The following PRELID2 variants were observed in gnomAD, a reference collection of about 807,000 sequenced individuals.
PRELID2 encodes PRELI domain-containing protein 2.
In PRELID2, 25 loss-of-function variants were observed where a neutral mutation model predicts 28.4. That is an observed-to-expected ratio of 0.88 (90% CI 0.64 to 1.23). The LOEUF (loss-of-function observed/expected upper bound fraction) is 1.23. Ranked by LOEUF, PRELID2 falls within the 50% of genes most tolerant of loss-of-function variation. The probability of loss-of-function intolerance (pLI) is 0.00; values close to 1 mark genes in which losing one functional copy is unlikely to be tolerated. For missense variants in PRELID2, 201 were observed against 214.4 expected (o/e 0.94, Z 0.39); for synonymous variants, 76 against 71.6 (o/e 1.06, Z -0.31).
chr5:145,573,584 G>A (rs1437397794), intron 1 of PRELID2, among the ~76,000 whole-genome samples: 2 of 152,070 alleles, frequency 1.3e-5, no homozygotes, highest in African/African-American at 4.8e-5. Flanking sequence ...CCAATTATGA[G>A]TGAGAACATG....
intron 1 of PRELID2, among the ~76,000 whole-genome samples, chr5:145,665,478 G>A (rs574249222): frequency 2.0e-5 from 3 of 152,132 alleles, no homozygotes; most frequent in South Asian, 2.1e-4. Context: ...CTGCTTACAC[G>A]TCTCCATACT....
chr5:145,406,794 CCCACTGG>C, the PRELID2 span, among the ~76,000 whole-genome samples: 487 of 152,278 alleles, frequency 3.2e-3, 4 homozygotes, highest in African/African-American at 0.011. Flanking sequence ...AACACACATT[CCCACTGG>C]AGAATCTGAA....
At chr5:145,802,029 C>T (rs1033692312) in intron 4 of PRELID2, among the ~76,000 whole-genome samples, 1 of 152,212 alleles carries the variant, frequency 6.6e-6, no homozygotes, top group African/African-American at 2.4e-5. Flanking sequence ...ACTTCCTAAG[C>T]ACACACTGAT....
chr5:145,264,872 A>G, the PRELID2 span, among the ~76,000 whole-genome samples: 2 of 150,266 alleles, frequency 1.3e-5, no homozygotes, highest in Non-Finnish European at 3.0e-5. Context: ...TACTCAGGAG[A>G]CTGAGGCAGG....
At chr5:145,368,793 T>G in the PRELID2 span, among the ~76,000 whole-genome samples, 7,213 of 151,926 alleles carry the variant, frequency 0.047, 588 homozygotes, top group African/African-American at 0.16. Context: ...TCATTTTTTT[T>G]GTTGTTGTTT....
At chr5:145,285,286 T>C in the PRELID2 span, among the ~76,000 whole-genome samples, 7 of 152,052 alleles carry the variant, frequency 4.6e-5, no homozygotes, top group Admixed American at 1.3e-4. Flanking sequence ...ATGTTGGGAG[T>C]TGAGATTTAG....
intron 5 of PRELID2, among the ~76,000 whole-genome samples, chr5:145,787,747 C>A (rs930612298): frequency 6.6e-6 from 1 of 152,004 alleles, no homozygotes; most frequent in East Asian, 1.9e-4. Flanking sequence ...CCCTATGTTG[C>A]CTATGCTGGT....
chr5:145,558,091 A>T (rs1358981667), intron 1 of PRELID2, among the ~76,000 whole-genome samples: 1 of 152,224 alleles, frequency 6.6e-6, no homozygotes, highest in East Asian at 1.9e-4. Flanking sequence ...GAATCAGATA[A>T]ATCTGGTTTC....
At chr5:145,367,641 A>G in the PRELID2 span, among the ~76,000 whole-genome samples, 1 of 151,724 alleles carries the variant, frequency 6.6e-6, no homozygotes, top group African/African-American at 2.4e-5. Context: ...CCTGACAACC[A>G]CTGATCTTTT....
intron 1 of PRELID2, among the ~76,000 whole-genome samples, chr5:145,691,703 G>C (rs1380124241): frequency 5.3e-5 from 8 of 152,062 alleles, no homozygotes; most frequent in East Asian, 1.9e-4. Flanking sequence ...GGGCGACAGA[G>C]TGAGACTCCA....
At chr5:145,267,127 A>G in the PRELID2 span, among the ~76,000 whole-genome samples, 1 of 152,134 alleles carries the variant, frequency 6.6e-6, no homozygotes, top group African/African-American at 2.4e-5. Context: ...CCCAAAACTG[A>G]AGAACTTGGA....
At chr5:145,733,305 A>G (rs1388004430) in intron 1 of PRELID2, among the ~76,000 whole-genome samples, 1 of 152,126 alleles carries the variant, frequency 6.6e-6, no homozygotes, top group Non-Finnish European at 1.5e-5. Flanking sequence ...TCCACCTAAC[A>G]CGTGAAGAAT....
At chr5:145,743,674 G>A (rs990971089) in intron 1 of PRELID2, among the ~76,000 whole-genome samples, 2 of 152,138 alleles carry the variant, frequency 1.3e-5, no homozygotes, top group Non-Finnish European at 1.5e-5. Flanking sequence ...CCACGAAACT[G>A]TGCAACCCGT....
chr5:145,478,280 G>T (rs1279937689), intron 1 of PRELID2, among the ~76,000 whole-genome samples: 1 of 152,140 alleles, frequency 6.6e-6, no homozygotes, highest in Non-Finnish European at 1.5e-5. Context: ...AGGTGCAGTG[G>T]CTCACACCTG....
At chr5:145,693,224 T>C (rs1427852706) in intron 1 of PRELID2, among the ~76,000 whole-genome samples, 1 of 151,486 alleles carries the variant, frequency 6.6e-6, no homozygotes, top group Non-Finnish European at 1.5e-5. Context: ...CTCAGCTCAC[T>C]GCAACCTCTG....
At chr5:145,815,334 C>A (rs1398432878) in intron 4 of PRELID2, among the ~76,000 whole-genome samples, 2 of 152,204 alleles carry the variant, frequency 1.3e-5, no homozygotes, top group Admixed American at 6.5e-5. Context: ...CTTGTTATAG[C>A]AGGCAAACTA....
intron 1 of PRELID2, among the ~76,000 whole-genome samples, chr5:145,692,633 G>A (rs1010750734): frequency 5.3e-5 from 8 of 152,138 alleles, no homozygotes; most frequent in East Asian, 1.9e-4. Context: ...ATGCCTGTCA[G>A]GTCGACAATT....
the PRELID2 span, among the ~76,000 whole-genome samples, chr5:145,378,073 T>C: frequency 6.6e-6 from 1 of 152,296 alleles, no homozygotes; most frequent in East Asian, 1.9e-4. Context: ...AGATATAAAA[T>C]TCTGGATTGG....
chr5:145,559,204 G>A (rs559255443), intron 1 of PRELID2, among the ~76,000 whole-genome samples: 1 of 151,656 alleles, frequency 6.6e-6, no homozygotes, highest in African/African-American at 2.4e-5. Context: ...GCAGTGAGCC[G>A]AGATTCCGCA....
Sources: allele counts gnomAD v4.1 joint callset (sites outside exome capture counted in the v4.1 genomes callset), GRCh38; gene constraint gnomAD v4.1.1; transcripts MANE v1.5; gene names NCBI Gene and HGNC (gene_info 2026-07-23, HGNC 2026-07-21).